The following BTD variants were observed in gnomAD, a reference collection of about 807,000 sequenced individuals.
BTD encodes biotinidase.
In BTD, 13 loss-of-function variants were observed where a neutral mutation model predicts 17.7. The observed-to-expected ratio is 0.74, with a 90% confidence interval of 0.48 to 1.17. The LOEUF is 1.17. Ranked by LOEUF, BTD falls within the 50% of genes most tolerant of loss-of-function variation. The pLI is 0.00. For synonymous variants in BTD, 240 were observed against 245.2 expected (o/e 0.98, Z 0.20); for missense variants, 674 against 650.4 (o/e 1.04, Z -0.39).
chr3:15,601,484 G>A, upstream of BTD: 1 of 1,611,596 alleles, frequency 6.2e-7, no homozygotes, highest in Non-Finnish European at 8.5e-7. Context: ...AAAGCTCTAA[G>A]CACTCACGCA....
chr3:15,677,497 G>A, intron 3 of BTD: 1 of 1,612,094 alleles, frequency 6.2e-7, no homozygotes, highest in Middle Eastern at 1.7e-4. Context: ...CAAGCCAAAT[G>A]GAGGGCAGTA....
intron 1 of BTD, among the ~76,000 whole-genome samples, chr3:15,626,566 C>T (rs574266463): frequency 1.4e-4 from 21 of 151,984 alleles, no homozygotes; most frequent in Non-Finnish European, 2.9e-4. Flanking sequence ...TTGCTTCAGG[C>T]CTGGAGTCGA....
intron 3 of BTD, among the ~76,000 whole-genome samples, chr3:15,643,133 T>G (rs2065581156): frequency 6.6e-6 from 1 of 152,226 alleles, no homozygotes; most frequent in Non-Finnish European, 1.5e-5. Context: ...TTAAAAAACT[T>G]TGATTTCACT....
intron 1 of BTD, among the ~76,000 whole-genome samples, chr3:15,617,966 A>G (rs1352981102): frequency 1.3e-5 from 2 of 151,986 alleles, no homozygotes; most frequent in Non-Finnish European, 2.9e-5. Context: ...ATTTTTATGT[A>G]TTTATCTAGA....
intron 1 of BTD, chr3:15,606,747 T>A (rs1406584219): frequency 6.6e-6 from 1 of 152,234 alleles, no homozygotes; most frequent in Non-Finnish European, 1.5e-5. Flanking sequence ...GCTTGATGAT[T>A]CAGCAGAAAG....
At chr3:15,608,841 T>C (rs2064534851) in intron 1 of BTD, among the ~76,000 whole-genome samples, 4 of 151,876 alleles carry the variant, frequency 2.6e-5, no homozygotes. Flanking sequence ...TCCCACAGGG[T>C]AGGCAAGCAG....
In BTD at chr3:15,649,233, C is replaced by T. The variant is rs1034921663; in HGVS notation, c.*3745C>T. 6.6e-6 allele frequency among the ~76,000 whole-genome samples: 1 copy of T among 152,198 alleles called. No individual in the cohort carries two copies. The highest frequency in any genetic ancestry group is 1.5e-5 in the Non-Finnish European group (1 of 68,040). On this transcript the variant is annotated 3_prime_UTR_variant, in exon 4 of 4. Transcript: ENST00000643237. ...CACTTGGGTCTTTCCATAGGGATAG[C>T]TGAGTGTCCTCATGATGTGGCCCCT...
At position 15,677,869 on chromosome 3, in the gene BTD, C is replaced by T. The variant is rs116832349; in HGVS notation, c.400-32191C>T. Among the ~76,000 whole-genome samples the T allele has an allele frequency of 5.1e-3, 773 of 152,226 alleles. 3 individuals are homozygous for T. Among genetic ancestry groups the T allele is most frequent in the South Asian group, 0.011 (52 of 4,826 alleles). On this transcript the variant is annotated intron_variant, in intron 3 of 3. Coordinates refer to the BTD transcript ENST00000672141. ...AATTTATTTAACCCTCACAACAACACACCAAGTAGATACTGTTATTTTTCT... is the reference window on the plus strand; with the variant it reads ...AATTTATTTAACCCTCACAACAACATACCAAGTAGATACTGTTATTTTTCT...
intron 3 of BTD, among the ~76,000 whole-genome samples, chr3:15,708,978 A>T (rs2071850773): frequency 6.6e-6 from 1 of 152,170 alleles, no homozygotes; most frequent in African/African-American, 2.4e-5. Flanking sequence ...TTTCAAACCA[A>T]TTCCAACTGC....
At chr3:15,671,786 T>C (rs2066392130) in intron 3 of BTD, among the ~76,000 whole-genome samples, 1 of 152,054 alleles carries the variant, frequency 6.6e-6, no homozygotes, top group Admixed American at 6.6e-5. Context: ...GATTTCGCTA[T>C]GTTGGCCAGG....
intron 3 of BTD, among the ~76,000 whole-genome samples, chr3:15,693,514 T>C (rs1385086780): frequency 6.6e-6 from 1 of 152,170 alleles, no homozygotes; most frequent in African/African-American, 2.4e-5. Flanking sequence ...TGGGAGTCTT[T>C]AATATGCTAC....
intron 3 of BTD, chr3:15,685,498 G>A: frequency 6.5e-7 from 1 of 1,531,282 alleles, no homozygotes; most frequent in Non-Finnish European, 9.0e-7. Context: ...AACATTACAT[G>A]CCAATTTCAG....
downstream of BTD, chr3:15,713,507 A>G: frequency 6.3e-7 from 1 of 1,594,604 alleles, no homozygotes; most frequent in Non-Finnish European, 8.6e-7. Context: ...TCAGTTATCA[A>G]CACCTCGGTA....
rs1415756129 is a variant in BTD, at chr3:15,642,001, C to T, written c.343C>T (p.Pro115Ser). ...TCCATTTTTGGACTTCATGCCGTCT[C>T]CCCAGGTGGTCAGGTGGAACCCATG... is the stretch of plus-strand genomic sequence containing the variant. The part of the protein sequence containing the change: ...IYPFLDFMPS[P>S]QVVRWNPCLE... The change falls in exon 3 of 4, where the codon CCC (proline) becomes TCC (serine). Residue 115 changes from proline (P) to serine (S), a missense_variant. By Grantham distance (74) the Pro-to-Ser change is moderately conservative. Transcript: ENST00000643237. 6.2e-7 allele frequency: 1 copy of T among 1,614,042 alleles called. No homozygotes were observed. The highest frequency in any genetic ancestry group is 8.5e-7 in the Non-Finnish European group (1 of 1,180,014).
intron 3 of BTD, chr3:15,676,904 T>A: frequency 2.2e-6 from 3 of 1,343,326 alleles, no homozygotes; most frequent in East Asian, 2.3e-5. Context: ...GTCACATGTT[T>A]AAAAAAATCC....
chr3:15,721,807 C>T (rs894171313), exon 5 of BTD, among the ~76,000 whole-genome samples: 2 of 152,082 alleles, frequency 1.3e-5, no homozygotes, highest in African/African-American at 2.4e-5. Flanking sequence ...TTGAGTGGCA[C>T]GATCTCAGCT....
At chr3:15,659,755 A>G (rs1483675096) in intron 3 of BTD, among the ~76,000 whole-genome samples, 1 of 152,230 alleles carries the variant, frequency 6.6e-6, no homozygotes, top group Non-Finnish European at 1.5e-5. Flanking sequence ...TGTGTCCCAC[A>G]TACTAGGCAG....
exon 4 of BTD, among the ~76,000 whole-genome samples, chr3:15,710,282 A>T (rs774119854): frequency 6.6e-6 from 1 of 152,222 alleles, no homozygotes; most frequent in Non-Finnish European, 1.5e-5. Context: ...AAAGGATATA[A>T]CTTAAGTATT....
chr3:15,655,071 A>G (rs907676567), downstream of BTD, among the ~76,000 whole-genome samples: 1 of 152,228 alleles, frequency 6.6e-6, no homozygotes, highest in East Asian at 1.9e-4. Context: ...CGTCAAAGCC[A>G]CAGGAGGAAA....
Sources: gnomAD v4.1 joint callset for allele counts (sites outside exome capture counted in the v4.1 genomes callset) on GRCh38, gnomAD v4.1.1 for gene constraint, MANE v1.5 for transcripts, NCBI Gene and HGNC (gene_info 2026-07-23, HGNC 2026-07-21) for gene names.